REC114: variants seen among roughly 807,000 people sequenced by gnomAD.
REC114 encodes REC114 meiotic recombination protein.
A neutral mutation model predicts 31.3 loss-of-function variants in REC114; 27 were observed. That is an observed-to-expected ratio of 0.86 (90% CI 0.64 to 1.19). REC114 has a LOEUF of 1.19. Ranked by LOEUF, REC114 falls within the 50% of genes most tolerant of loss-of-function variation. The pLI is 0.00. For synonymous variants in REC114, 134 were observed against 127.7 expected (o/e 1.05, Z -0.33); for missense variants, 344 against 326.9 (o/e 1.05, Z -0.40).
intron 5 of REC114, among the ~76,000 whole-genome samples, chr15:73,558,285 G>T (rs74902571): frequency 6.6e-6 from 1 of 152,134 alleles, no homozygotes; most frequent in African/African-American, 2.4e-5. Flanking sequence ...TGCTATCCAC[G>T]TAAAGAATAA....
intron 2 of REC114, among the ~76,000 whole-genome samples, chr15:73,486,535 G>A (rs1893366750): frequency 6.6e-6 from 1 of 152,110 alleles, no homozygotes; most frequent in Admixed American, 6.6e-5. Context: ...GGAGTTCTTA[G>A]TCCATTTGTA....
intron 2 of REC114, among the ~76,000 whole-genome samples, chr15:73,494,042 C>T (rs909001173): frequency 2.6e-5 from 4 of 152,154 alleles, no homozygotes; most frequent in Non-Finnish European, 4.4e-5. Context: ...CTCTCTGAGT[C>T]ACAGAACTCC....
chr15:73,532,489 G>A (rs987189082), intron 2 of REC114, among the ~76,000 whole-genome samples: 1 of 150,924 alleles, frequency 6.6e-6, no homozygotes, highest in African/African-American at 2.4e-5. Flanking sequence ...TAGTCCTTTG[G>A]GTATATACCC....
At chr15:73,528,863 G>A (rs1422126434) in intron 2 of REC114, among the ~76,000 whole-genome samples, 1 of 151,958 alleles carries the variant, frequency 6.6e-6, no homozygotes, top group Admixed American at 6.6e-5. Flanking sequence ...GAGGACTAAT[G>A]GCCTGGTTTC....
At chr15:73,554,845 GTTCT>G (rs763654832) in intron 4 of REC114, among the ~76,000 whole-genome samples, 11 of 152,210 alleles carry the variant, frequency 7.2e-5, no homozygotes, top group Non-Finnish European at 1.5e-4. Flanking sequence ...GTTGACATTA[GTTCT>G]TTGTGTGAGC....
intron 1 of REC114, among the ~76,000 whole-genome samples, chr15:73,457,179 T>C (rs1033715329): frequency 3.3e-5 from 5 of 151,698 alleles, no homozygotes; most frequent in African/African-American, 1.2e-4. Context: ...CTAGGGCTAA[T>C]TTTTCCCACT....
intron 3 of REC114, among the ~76,000 whole-genome samples, chr15:73,544,327 C>T (rs1302061403): frequency 1.3e-5 from 2 of 152,138 alleles, no homozygotes; most frequent in Non-Finnish European, 2.9e-5. Context: ...GTATCTGATG[C>T]ATCTTGGCTT....
intron 2 of REC114, among the ~76,000 whole-genome samples, chr15:73,521,366 G>A (rs1348186060): frequency 6.6e-6 from 1 of 152,100 alleles, no homozygotes; most frequent in African/African-American, 2.4e-5. Flanking sequence ...CTATGCTTGA[G>A]GAAATTCTGT....
chr15:73,556,647 A>G (rs753594823), intron 5 of REC114, among the ~76,000 whole-genome samples: 2 of 152,230 alleles, frequency 1.3e-5, no homozygotes, highest in Non-Finnish European at 2.9e-5. Flanking sequence ...AAAACGGGGA[A>G]AAGTGGTTGA....
At chr15:73,513,085 T>C (rs1893797973) in intron 2 of REC114, among the ~76,000 whole-genome samples, 1 of 148,484 alleles carries the variant, frequency 6.7e-6, no homozygotes, top group Admixed American at 6.7e-5. Flanking sequence ...GGTACACCAA[T>C]CAGACGTAGA....
chr15:73,496,904 A>G (rs1042603214), intron 2 of REC114, among the ~76,000 whole-genome samples: 6 of 149,808 alleles, frequency 4.0e-5, no homozygotes, highest in Non-Finnish European at 7.4e-5. Context: ...GGTTCCTTCC[A>G]TCTGGGATAG....
chr15:73,478,263 CA>C (rs57210193), intron 2 of REC114, among the ~76,000 whole-genome samples: 1,201 of 40,306 alleles, frequency 0.03, 3 homozygotes, highest in African/African-American at 0.085. Flanking sequence ...GACTCTGTCT[CA>C]AAAAAAAAAA....
At chr15:73,497,313 C>G (rs903733314) in intron 2 of REC114, among the ~76,000 whole-genome samples, 1 of 152,194 alleles carries the variant, frequency 6.6e-6, no homozygotes, top group African/African-American at 2.4e-5. Flanking sequence ...TCTGCATGTA[C>G]TAATTGGAAT....
intron 2 of REC114, among the ~76,000 whole-genome samples, chr15:73,529,809 C>T (rs989306199): frequency 1.3e-5 from 2 of 152,186 alleles, no homozygotes; most frequent in African/African-American, 2.4e-5. Flanking sequence ...GTTTAACTTC[C>T]CCTAGACTCC....
chr15:73,496,926 T>C (rs1247097778), intron 2 of REC114, among the ~76,000 whole-genome samples: 1 of 150,110 alleles, frequency 6.7e-6, no homozygotes, highest in East Asian at 1.9e-4. Context: ...TCCTCAGTCT[T>C]TATTTTTTTT....
chr15:73,515,378 ATAATATCCATATTCTTACG>A (rs1869142132), intron 2 of REC114, among the ~76,000 whole-genome samples: 1 of 152,232 alleles, frequency 6.6e-6, no homozygotes, highest in African/African-American at 2.4e-5. Context: ...TCCAGCAAAC[ATAATATCCATATTCTTACG>A]GGTTGCTGCA....
chr15:73,551,030 A>ATGTG lies in REC114; in HGVS notation c.427_428insGTGT (p.Tyr143CysfsTer9). 1 of 1,613,942 alleles carries ATGTG rather than the reference A, an allele frequency of 6.2e-7. No homozygotes were observed. Among genetic ancestry groups the ATGTG allele is most frequent in the South Asian group, 1.1e-5 (1 of 91,086 alleles). ...GCAGTTGTGTTCAGAAGCTGGCACA[A>ATGTG]TACATAACCGTGCAGGTGCCTGATG... On this transcript the variant is annotated frameshift_variant, in exon 4 of 6. Coordinates refer to ENST00000331090, the MANE Select transcript of REC114 (RefSeq NM_001042367.2). LOFTEE classifies it high-confidence loss of function.
chr15:73,517,743 A>G (rs1272288820), intron 2 of REC114, among the ~76,000 whole-genome samples: 1 of 152,170 alleles, frequency 6.6e-6, no homozygotes, highest in Non-Finnish European at 1.5e-5. Flanking sequence ...ACTATTTAAC[A>G]ATTAGCCCTT....
intron 5 of REC114, among the ~76,000 whole-genome samples, chr15:73,556,979 T>C (rs1197572087): frequency 6.6e-6 from 1 of 151,882 alleles, no homozygotes; most frequent in Non-Finnish European, 1.5e-5. Context: ...TCCCCCTCAC[T>C]GCATTCCTCA....
Sources: allele counts gnomAD v4.1 joint callset (sites outside exome capture counted in the v4.1 genomes callset), GRCh38; gene constraint gnomAD v4.1.1; transcripts MANE v1.5; gene names NCBI Gene and HGNC (gene_info 2026-07-23, HGNC 2026-07-21).